Variants in MIPOL1 observed in about 807,000 individuals in gnomAD.
MIPOL1 encodes mirror-image polydactyly 1, also known as mirror-image polydactyly gene 1 protein.
MIPOL1 carries 57 observed loss-of-function variants against 60.9 expected under a neutral mutation model. The observed-to-expected ratio is 0.94, with a 90% CI of 0.76 to 1.17. The LOEUF (loss-of-function observed/expected upper bound fraction) is 1.17, where lower values mean the gene tolerates loss of function less well. Ranked by LOEUF, MIPOL1 falls within the 50% of genes most tolerant of loss-of-function variation. MIPOL1 has a pLI of 0.00. For synonymous variants in MIPOL1, 179 were observed against 168.8 expected, an observed-to-expected ratio of 1.06 and a Z score of -0.47; for missense variants, 551 against 511.6, an observed-to-expected ratio of 1.08 and a Z score of -0.74.
intron 1 of MIPOL1, among the ~76,000 whole-genome samples, chr14:37,203,553 A>G (rs78529287): frequency 0.034 from 5,226 of 152,272 alleles, 228 homozygotes; most frequent in East Asian, 0.24. Context: ...AACTAGACCT[A>G]GAGGCTCACT....
At chr14:37,246,821 G>A (rs1238852175) in intron 1 of MIPOL1, among the ~76,000 whole-genome samples, 1 of 151,970 alleles carries the variant, frequency 6.6e-6, no homozygotes, top group Non-Finnish European at 1.5e-5. Flanking sequence ...ACTAATTGCT[G>A]GCATTCATTA....
At chr14:37,234,942 A>ATTTTTTTTTTTTTTTTTTTTT (rs5807941) in intron 1 of MIPOL1, among the ~76,000 whole-genome samples, 3 of 116,830 alleles carry the variant, frequency 2.6e-5, no homozygotes, top group Non-Finnish European at 1.7e-5. Flanking sequence ...CGTACGGCTA[A>ATTTTTTTTTTTTTTTTTTTTT]TTTTTTTTTT....
At chr14:37,477,796 T>C (rs2094800567) in intron 11 of MIPOL1, among the ~76,000 whole-genome samples, 1 of 152,160 alleles carries the variant, frequency 6.6e-6, no homozygotes. Flanking sequence ...ACCTACAAAG[T>C]GTAATAAAGT....
intron 6 of MIPOL1, among the ~76,000 whole-genome samples, chr14:37,280,807 T>C (rs1011429809): frequency 6.6e-6 from 1 of 152,066 alleles, no homozygotes; most frequent in Non-Finnish European, 1.5e-5. Flanking sequence ...TACAGACGCA[T>C]GCCACCAGGA....
At chr14:37,413,415 C>G (rs1212090753) in intron 10 of MIPOL1, among the ~76,000 whole-genome samples, 1 of 152,156 alleles carries the variant, frequency 6.6e-6, no homozygotes. Flanking sequence ...CTTTCATCTT[C>G]AAGGTGAGCA....
At chr14:37,259,606 C>T (rs1181961166) in intron 3 of MIPOL1, among the ~76,000 whole-genome samples, 1 of 151,824 alleles carries the variant, frequency 6.6e-6, no homozygotes, top group Non-Finnish European at 1.5e-5. Context: ...ACTGTCTGTG[C>T]TTTCCAATGT....
At chr14:37,295,973 C>T (rs933730144) in intron 7 of MIPOL1, among the ~76,000 whole-genome samples, 6 of 152,138 alleles carry the variant, frequency 3.9e-5, no homozygotes, top group Non-Finnish European at 8.8e-5. Context: ...ATCTACAGAA[C>T]TCTCCACCCC....
chr14:37,445,766 C>A (rs1410512513), intron 11 of MIPOL1, among the ~76,000 whole-genome samples: 1 of 151,930 alleles, frequency 6.6e-6, no homozygotes, highest in Non-Finnish European at 1.5e-5. Flanking sequence ...AGAAATAACA[C>A]CGCATATCTA....
intron 9 of MIPOL1, among the ~76,000 whole-genome samples, chr14:37,336,848 C>T (rs965843941): frequency 5.9e-5 from 9 of 152,058 alleles, no homozygotes; most frequent in Non-Finnish European, 8.8e-5. Context: ...GCAACCTCCA[C>T]CTCCCAGGTT....
At chr14:37,322,621 C>A (rs1409756193) in intron 9 of MIPOL1, among the ~76,000 whole-genome samples, 4 of 151,900 alleles carry the variant, frequency 2.6e-5, no homozygotes, top group African/African-American at 9.7e-5. Context: ...ATTTTTTCCA[C>A]ATCCTCTCCA....
Position 37,220,996 on chromosome 14 carries a change from C to T in MIPOL1, c.-199+22892C>T, listed in dbSNP as rs150858177. Among the ~76,000 whole-genome samples the T allele has an allele frequency of 2.1e-3, 316 of 151,770 alleles. 1 individual carries two copies. Among genetic ancestry groups the T allele is most frequent in the African/African-American group, 7.5e-3 (310 of 41,400 alleles). ...TGGGGTCTTGCTGTGTTGCCTAAGCCGTACCGACACATATTTAGATGCCTA... is the reference window on the plus strand; with the variant it reads ...TGGGGTCTTGCTGTGTTGCCTAAGCTGTACCGACACATATTTAGATGCCTA... On this transcript the variant is annotated intron_variant, in intron 1 of 12. Transcript: ENST00000684589.
chr14:37,450,089 A>G (rs531919607), intron 11 of MIPOL1, among the ~76,000 whole-genome samples: 1 of 152,292 alleles, frequency 6.6e-6, no homozygotes, highest in African/African-American at 2.4e-5. Context: ...CTGGGATTAC[A>G]GGCCTGAGCC....
intron 12 of MIPOL1, among the ~76,000 whole-genome samples, chr14:37,545,014 T>C (rs2095542385): frequency 6.6e-6 from 1 of 152,158 alleles, no homozygotes; most frequent in African/African-American, 2.4e-5. Context: ...GAATTTGTAG[T>C]AACAATAATA....
At position 37,339,888 on chromosome 14, in the gene MIPOL1, T is replaced by A. The variant is rs375503623; in HGVS notation, c.829-29629T>A. On this transcript the variant is annotated intron_variant, in intron 9 of 12. Coordinates refer to ENST00000684589, the MANE Select transcript of MIPOL1 (RefSeq NM_001388067.1). ...AAGATATTTTCTGGTAGAAATAGTC[T>A]ACATCTTAATTAGGGTGGTAGTAAC... 1.4e-4 allele frequency among the ~76,000 whole-genome samples: 21 copies of A among 152,332 alleles called. No homozygotes were observed. The South Asian group carries it at 4.4e-3, about 32-fold the overall frequency.
At chr14:37,501,973 G>A (rs1179497169) in intron 12 of MIPOL1, 3 of 152,240 alleles carry the variant, frequency 2.0e-5, no homozygotes, top group East Asian at 1.9e-4. Flanking sequence ...TGGGTCCCAC[G>A]CCCATGGAGC....
intron 3 of MIPOL1, among the ~76,000 whole-genome samples, chr14:37,263,323 C>T (rs1232583630): frequency 6.6e-6 from 1 of 152,154 alleles, no homozygotes; most frequent in East Asian, 1.9e-4. Flanking sequence ...TCAAAGCATA[C>T]AATGCAGCTG....
intron 9 of MIPOL1, among the ~76,000 whole-genome samples, chr14:37,355,364 T>C (rs1227436753): frequency 7.4e-6 from 1 of 134,324 alleles, no homozygotes; most frequent in Non-Finnish European, 1.6e-5. Context: ...TCAACTTTGG[T>C]GAATCTGACA....
intron 10 of MIPOL1, among the ~76,000 whole-genome samples, chr14:37,410,996 G>T (rs766825902): frequency 6.6e-5 from 10 of 152,046 alleles, no homozygotes; most frequent in Non-Finnish European, 1.5e-4. Context: ...TTCTTTAAAT[G>T]TCAAAGGATC....
chr14:37,544,625 A>G (rs923691889), intron 12 of MIPOL1, among the ~76,000 whole-genome samples: 4 of 152,202 alleles, frequency 2.6e-5, no homozygotes, highest in Admixed American at 2.0e-4. Flanking sequence ...GGCACAGCCC[A>G]TGTTTGGCAG....
Sources: allele counts gnomAD v4.1 joint callset (sites outside exome capture counted in the v4.1 genomes callset), GRCh38; gene constraint gnomAD v4.1.1; transcripts MANE v1.5; gene names NCBI Gene and HGNC (gene_info 2026-07-23, HGNC 2026-07-21).